Variants in SYK observed in about 807,000 individuals in gnomAD.
The protein encoded by SYK is tyrosine-protein kinase SYK.
Under a neutral mutation model 77.8 loss-of-function variants are expected in SYK, and 16 were observed. The observed-to-expected ratio is 0.21, with a 90% CI of 0.14 to 0.31. The LOEUF (loss-of-function observed/expected upper bound fraction) is 0.31. Ranked by LOEUF, SYK falls within the 10% of genes least tolerant of loss-of-function variation. SYK has a pLI of 1.00. For synonymous variants in SYK, 312 were observed against 308.7 expected, an observed-to-expected ratio of 1.01 and a Z score of -0.11; for missense variants, 529 against 814.4, an observed-to-expected ratio of 0.65 and a Z score of 4.26.
intron 3 of SYK, among the ~76,000 whole-genome samples, chr9:90,854,996 A>G (rs1010696042): frequency 8.9e-6 from 1 of 111,750 alleles, no homozygotes; most frequent in Middle Eastern, 4.2e-3. Flanking sequence ...TCTCTCTCTC[A>G]CACACACACA....
chr9:90,803,572 C>T (rs1471677616), intron 1 of SYK, among the ~76,000 whole-genome samples: 2 of 151,938 alleles, frequency 1.3e-5, no homozygotes, highest in Non-Finnish European at 2.9e-5. Flanking sequence ...AAATGAATCA[C>T]CCTGATCTTT....
intron 7 of SYK, 113 bp downstream of exon 7, chr9:90,867,312 C>T: frequency 1.8e-6 from 2 of 1,094,474 alleles, no homozygotes; most frequent in South Asian, 1.3e-5. Context: ...TCTTGCCACT[C>T]TGCTTCCAGG....
At chr9:90,873,342 T>C (rs1239038209) in intron 7 of SYK, among the ~76,000 whole-genome samples, 1 of 146,892 alleles carries the variant, frequency 6.8e-6, no homozygotes, top group Non-Finnish European at 1.5e-5. Context: ...CAACTCACGC[T>C]GAAAAAAAAA....
At chr9:90,858,266 C>T (rs554560760) in intron 3 of SYK, among the ~76,000 whole-genome samples, 1 of 152,332 alleles carries the variant, frequency 6.6e-6, no homozygotes, top group African/African-American at 2.4e-5. Flanking sequence ...GCCAAGGCTG[C>T]CTACCCTGGG....
chr9:90,857,543 C>A (rs986097957), intron 3 of SYK, among the ~76,000 whole-genome samples: 6 of 152,178 alleles, frequency 3.9e-5, no homozygotes, highest in Admixed American at 3.9e-4. Context: ...GTGTACTGAT[C>A]TTGCTCTTCT....
intron 1 of SYK, among the ~76,000 whole-genome samples, chr9:90,822,678 G>A (rs1376755818): frequency 2.6e-5 from 4 of 152,278 alleles, no homozygotes; most frequent in Admixed American, 2.6e-4. Flanking sequence ...AGGCCCACAG[G>A]ATGAGTCCAG....
At chr9:90,875,114 A>G (rs1827876701) in intron 9 of SYK, among the ~76,000 whole-genome samples, 1 of 152,116 alleles carries the variant, frequency 6.6e-6, no homozygotes, top group Non-Finnish European at 1.5e-5. Context: ...AAATAAAAAC[A>G]TCAAATTGGC....
Position 90,888,576 on chromosome 9 carries a change from C to T in SYK, c.1784C>T (p.Ala595Val), listed in dbSNP as rs774626541. The T allele has an allele frequency of 6.2e-7, 1 of 1,612,080 alleles. No individual in the cohort carries two copies. The highest frequency in any genetic ancestry group is 8.5e-7 in the Non-Finnish European group (1 of 1,179,310). ...AAAGGAGAGCGGATGGGGTGCCCTG[C>T]AGGGTGTCCAAGAGAGATGTACGAT... ...LEKGERMGCPAGCPREMYDLM... is the reference protein window; with the variant it reads ...LEKGERMGCPVGCPREMYDLM... Residue 595 changes from alanine (A) to valine (V), a missense_variant, in exon 13 of 14, where the codon GCA (alanine) becomes GTA (valine). Coordinates refer to ENST00000375754, the MANE Select transcript of SYK (RefSeq NM_003177.7).
At chr9:90,883,958 T>G (rs1474156321) in intron 11 of SYK, among the ~76,000 whole-genome samples, 2 of 152,140 alleles carry the variant, frequency 1.3e-5, no homozygotes, top group Non-Finnish European at 2.9e-5. Flanking sequence ...CACTGGGGTC[T>G]GAAGACTGGC....
intron 1 of SYK, among the ~76,000 whole-genome samples, chr9:90,837,189 G>T (rs1356614555): frequency 2.6e-5 from 4 of 151,954 alleles, no homozygotes; most frequent in Non-Finnish European, 5.9e-5. Flanking sequence ...ATTGTTCAAG[G>T]GTCAGTTGTA....
In SYK at chr9:90,895,631, G is replaced by T; in HGVS notation, c.*31G>T. The T allele has an allele frequency of 6.3e-7, 1 of 1,594,726 alleles. No homozygotes were observed. Among genetic ancestry groups the T allele is most frequent in the South Asian group, 1.1e-5 (1 of 90,646 alleles). ...CCCGCACCTGTCGGTGGCTGCCTTT[G>T]ATCACAGGAGCAATCACAGGAAAAT... On this transcript the variant is annotated 3_prime_UTR_variant, in exon 14 of 14. Coordinates refer to ENST00000375754, the MANE Select transcript of SYK (RefSeq NM_003177.7). The surrounding 1 kb of genome is among the most constrained non-coding windows in gnomAD (Gnocchi z 4.4).
intron 1 of SYK, among the ~76,000 whole-genome samples, chr9:90,829,919 G>A (rs1825817637): frequency 6.6e-6 from 1 of 152,224 alleles, no homozygotes; most frequent in African/African-American, 2.4e-5. Flanking sequence ...ATGTCTATGT[G>A]TTGGTTGAGA....
intron 1 of SYK, among the ~76,000 whole-genome samples, chr9:90,834,597 A>T (rs1826005352): frequency 6.6e-6 from 1 of 152,192 alleles, no homozygotes; most frequent in African/African-American, 2.4e-5. Flanking sequence ...AACAAATTAA[A>T]TAGGGGAATA....
In SYK at chr9:90,898,260, G is replaced by A. The variant is rs202010594; in HGVS notation, c.*2660G>A. On this transcript the variant is annotated 3_prime_UTR_variant, in exon 14 of 14. Transcript: ENST00000375754. ...AACAGTGTGTTCAGTGGTGAAAATCGTTGCATGCATGTTTTCATCTGAGCG... is the reference window on the plus strand; with the variant it reads ...AACAGTGTGTTCAGTGGTGAAAATCATTGCATGCATGTTTTCATCTGAGCG... The A allele has an allele frequency of 3.0e-5, 7 of 230,776 alleles. No individual in the cohort carries two copies. Among genetic ancestry groups the A allele is most frequent in the African/African-American group, 4.4e-5 (2 of 45,198 alleles). 14.3% of individuals were successfully genotyped at this position (230,776 alleles called of 1,614,324 possible). A position where few individuals can be genotyped will look rare whatever the true frequency, so the allele number is the denominator to read the frequency against.
intron 13 of SYK, among the ~76,000 whole-genome samples, chr9:90,890,978 G>A (rs1675334): frequency 1.3e-5 from 2 of 151,896 alleles, no homozygotes; most frequent in African/African-American, 4.8e-5. Flanking sequence ...GGCTCCGTGT[G>A]GAAATGCAAG....
intron 3 of SYK, among the ~76,000 whole-genome samples, chr9:90,855,846 T>G (rs1827020145): frequency 6.6e-6 from 1 of 152,202 alleles, no homozygotes; most frequent in Non-Finnish European, 1.5e-5. Context: ...TGCCAAGTTC[T>G]CAAATGATGC....
At chr9:90,846,711 A>T (rs182543874) in intron 3 of SYK, among the ~76,000 whole-genome samples, 26 of 151,922 alleles carry the variant, frequency 1.7e-4, no homozygotes, top group Non-Finnish European at 2.9e-4. Flanking sequence ...AAAAAAAAAA[A>T]AAAAAAGGAA....
Position 90,895,397 on chromosome 9 carries a change from G to A in SYK, c.1836-131G>A, listed in dbSNP as rs1828945523. On this transcript the variant is annotated intron_variant, in intron 13 of 13. Coordinates refer to ENST00000375754, the MANE Select transcript of SYK (RefSeq NM_003177.7). The surrounding 1 kb of genome is among the most constrained non-coding windows in gnomAD (Gnocchi z 4.4). ...GGGTGGGGGGCACAGGGACCACGCT[G>A]TGAGCTGCAGGCCCTAGAGTTAGCC... 4 of 884,456 alleles carry A rather than the reference G, an allele frequency of 4.5e-6. No homozygotes were observed. The highest frequency in any genetic ancestry group is 7.2e-6 in the Non-Finnish European group (4 of 552,298). 54.8% of individuals were successfully genotyped at this position (884,456 alleles called of 1,614,324 possible). A position where few individuals can be genotyped will look rare whatever the true frequency, so the allele number is the denominator to read the frequency against.
chr9:90,841,822 G>T (rs1438877684), intron 1 of SYK, among the ~76,000 whole-genome samples: 1 of 148,090 alleles, frequency 6.8e-6, no homozygotes, highest in African/African-American at 2.5e-5. Context: ...TGTATGTGGT[G>T]TGTATGTAGT....
Sources: allele counts gnomAD v4.1 joint callset (sites outside exome capture counted in the v4.1 genomes callset), GRCh38; gene constraint gnomAD v4.1.1; non-coding constraint Gnocchi (gnomAD v3.1); transcripts MANE v1.5; gene names NCBI Gene and HGNC (gene_info 2026-07-23, HGNC 2026-07-21).